The following RPUSD2 variants were observed in gnomAD, a reference collection of about 807,000 sequenced individuals.
The protein encoded by RPUSD2 is pseudouridylate synthase RPUSD2.
RPUSD2 carries 31 observed loss-of-function variants against 41.5 expected under a neutral mutation model. The observed-to-expected ratio is 0.75, with a 90% CI of 0.56 to 1.01. The LOEUF (loss-of-function observed/expected upper bound fraction) is 1.01. RPUSD2 is among the 50% of genes least tolerant of loss of function. The pLI, the probability that RPUSD2 is intolerant of heterozygous loss-of-function variation, is 0.00. For missense variants in RPUSD2, 749 were observed against 724.7 expected (o/e 1.03, Z -0.38); for synonymous variants, 305 against 289.7 (o/e 1.05, Z -0.54).
chr15:40,571,930 ACTT>A, intron 2 of RPUSD2, 30 bp downstream of exon 2: 1 of 1,602,762 alleles, frequency 6.2e-7, no homozygotes, highest in Non-Finnish European at 8.5e-7. Context: ...CCTACAGGCC[ACTT>A]CTTGGGCTCA....
In RPUSD2 at chr15:40,573,847, C is replaced by T. The variant is rs201594719; in HGVS notation, c.1224C>T (p.Asn408=). ...GGGGCGGCTACATTCCCAAGACAAACGAGGAGTTGCTACGGGACCTGGTAG... is the reference window on the plus strand; with the variant it reads ...GGGGCGGCTACATTCCCAAGACAAATGAGGAGTTGCTACGGGACCTGGTAG... ...RGRGGYIPKT[N]EELLRDLVAE... Residue 408 remains asparagine (N), a synonymous_variant, in exon 3 of 3, where the codon AAC becomes AAT. Transcript: ENST00000315616. 9.9e-6 allele frequency: 16 copies of T among 1,614,112 alleles called. No individual in the cohort carries two copies. The highest frequency in any genetic ancestry group is 4.4e-5 in the South Asian group (4 of 91,076).
chr15:40,573,125 A>C (rs1891177755), intron 2 of RPUSD2, among the ~76,000 whole-genome samples: 1 of 144,982 alleles, frequency 6.9e-6, no homozygotes, highest in South Asian at 2.2e-4. Flanking sequence ...CCTGGGTTCA[A>C]GCAATTATCC....
intron 2 of RPUSD2, among the ~76,000 whole-genome samples, chr15:40,572,578 A>G (rs982981000): frequency 6.6e-6 from 1 of 151,570 alleles, no homozygotes; most frequent in Non-Finnish European, 1.5e-5. Context: ...AAAAAAAAAA[A>G]AAACTTACCC....
Position 40,569,358 on chromosome 15 carries a change from A to G in RPUSD2, c.21A>G (p.Gly7=). The G allele has an allele frequency of 1.4e-6, 2 of 1,476,872 alleles. No homozygotes were observed. The highest frequency in any genetic ancestry group is 2.5e-5 in the East Asian group (1 of 40,748). The allele number at this position is 1,476,872 out of a possible 1,614,324, so 91.5% of individuals were successfully genotyped here. The change falls in exon 1 of 3, where the codon GGA becomes GGG. Residue 7 remains glycine, a synonymous_variant. Coordinates refer to ENST00000315616, the MANE Select transcript of RPUSD2 (RefSeq NM_152260.3). MWLDRR[G]WLRVLGHWRY... is the part of the protein sequence containing the mutation. ...TGGTTATGTGGCTGGACCGCCGCGG[A>G]TGGCTCAGGGTTCTTGGACATTGGC...
chr15:40,569,841 C>T lies in RPUSD2; in HGVS notation c.504C>T (p.Thr168=), dbSNP rs767744210. ...ACAGCTTGCTGCACGTCTTCAGTACCGAGTTCCGAGCTCAGCCCCTGGCCT... is the reference window on the plus strand; with the variant it reads ...ACAGCTTGCTGCACGTCTTCAGTACTGAGTTCCGAGCTCAGCCCCTGGCCT... ...VGHSLLHVFS[T]EFRAQPLAYY... is the part of the protein sequence containing the mutation. Residue 168 remains threonine (T), a synonymous_variant, in exon 1 of 3, where the codon ACC becomes ACT. Coordinates refer to ENST00000315616, the MANE Select transcript of RPUSD2 (RefSeq NM_152260.3). 1 of 1,612,526 alleles carries T rather than the reference C, an allele frequency of 6.2e-7. No homozygotes were observed. Among genetic ancestry groups the T allele is most frequent in the African/African-American group, 1.3e-5 (1 of 75,048 alleles).
intron 1 of RPUSD2, 38 bp downstream of exon 1, chr15:40,569,981 A>G (rs1442323106): frequency 4.3e-6 from 5 of 1,162,014 alleles, no homozygotes; most frequent in Non-Finnish European, 5.7e-6. Context: ...GCGGGCGAGG[A>G]AAAGGGGCCG....
At position 40,569,705 on chromosome 15, in the gene RPUSD2, T is replaced by G. The variant is rs1388655479; in HGVS notation, c.368T>G (p.Phe123Cys). Residue 123 changes from phenylalanine (F) to cysteine (C), a missense_variant, in exon 1 of 3, where the codon TTC becomes TGC. Phe to Cys is a radical substitution (Grantham distance 205). Transcript: ENST00000315616. ...PPKKRRTGVS[F>C]GDEHFAETSY... Reference sequence around the variant, plus strand: ...AAGAAGCGGCGGACCGGGGTGAGCTTCGGAGATGAGCACTTTGCAGAAACC... The same window carrying G: ...AAGAAGCGGCGGACCGGGGTGAGCTGCGGAGATGAGCACTTTGCAGAAACC... The G allele has an allele frequency of 2.5e-6, 4 of 1,580,026 alleles. No individual in the cohort carries two copies. The highest frequency in any genetic ancestry group is 3.4e-6 in the Non-Finnish European group (4 of 1,161,948).
At chr15:40,570,895 A>G (rs1229753294) in intron 1 of RPUSD2, among the ~76,000 whole-genome samples, 3 of 152,160 alleles carry the variant, frequency 2.0e-5, no homozygotes. Flanking sequence ...TAGAGCCCAT[A>G]TCCCTGGACT....
At chr15:40,570,583 A>G (rs1437838233) in intron 1 of RPUSD2, among the ~76,000 whole-genome samples, 1 of 152,204 alleles carries the variant, frequency 6.6e-6, no homozygotes, top group Non-Finnish European at 1.5e-5. Flanking sequence ...CATCACATCT[A>G]TGAGGTACCA....
Position 40,569,471 on chromosome 15 carries a change from C to T in RPUSD2, c.134C>T (p.Thr45Ile), listed in dbSNP as rs1321237064. 1.3e-6 allele frequency: 2 copies of T among 1,574,762 alleles called. No homozygotes were observed. The highest frequency in any genetic ancestry group is 1.9e-5 in the Admixed American group (1 of 51,532). The change falls in exon 1 of 3, where the codon ACA becomes ATA. Residue 45 changes from threonine to isoleucine, a missense_variant. By Grantham distance (89) the Thr-to-Ile change is moderately conservative (BLOSUM62 -1). Coordinates refer to ENST00000315616, the MANE Select transcript of RPUSD2 (RefSeq NM_152260.3). ...MAETVSTQVG[T>I]EGGLRASHQQ... ...GAAACAGTGTCTACCCAGGTTGGGA[C>T]AGAGGGCGGGCTGAGGGCTTCGCAT...
At position 40,569,453 on chromosome 15, in the gene RPUSD2, T is replaced by C; in HGVS notation, c.116T>C (p.Val39Ala). 6.4e-7 allele frequency: 1 copy of C among 1,572,662 alleles called. No homozygotes were observed. The highest frequency in any genetic ancestry group is 1.2e-5 in the South Asian group (1 of 83,970). The change falls in exon 1 of 3, where the codon GTG (valine) becomes GCG (alanine). Residue 39 changes from valine (V) to alanine (A), a missense_variant. By Grantham distance (64) the Val-to-Ala change is moderately conservative. Transcript: ENST00000315616. ...SGDKGPMAET[V>A]STQVGTEGGL... ...GATAAGGGCCCAATGGCAGAAACAG[T>C]GTCTACCCAGGTTGGGACAGAGGGC... is the stretch of plus-strand genomic sequence containing the variant.
At position 40,571,882 on chromosome 15, in the gene RPUSD2, G is replaced by A. The variant is rs1227876482; in HGVS notation, c.885G>A (p.Glu295=). Residue 295 remains glutamate (E), a synonymous_variant, in exon 2 of 3, where the codon GAG becomes GAA. Coordinates refer to ENST00000315616, the MANE Select transcript of RPUSD2 (RefSeq NM_152260.3). ...KTAAVSERIH[E]QVRDRQLEKE... Reference sequence around the variant, plus strand: ...CTGCAGTCTCTGAGAGAATTCACGAGCAGGTTCGGGACCGGCAGGTGAGTC... The same window carrying A: ...CTGCAGTCTCTGAGAGAATTCACGAACAGGTTCGGGACCGGCAGGTGAGTC... 8 of 1,613,698 alleles carry A rather than the reference G, an allele frequency of 5.0e-6. No individual in the cohort carries two copies. Among genetic ancestry groups the A allele is most frequent in the Non-Finnish European group, 6.8e-6 (8 of 1,179,798 alleles).
At position 40,574,349 on chromosome 15, in the gene RPUSD2, G is replaced by T; in HGVS notation, c.*88G>T. On this transcript the variant is annotated 3_prime_UTR_variant, in exon 3 of 3. Transcript: ENST00000315616. ...CTGACCCCATGGGCTAGTACTTGGGGTTTCTATAGGAATGAGGACGGGCTT... is the reference window on the plus strand; with the variant it reads ...CTGACCCCATGGGCTAGTACTTGGGTTTTCTATAGGAATGAGGACGGGCTT... 10 of 1,479,720 alleles carry T rather than the reference G, an allele frequency of 6.8e-6. No individual in the cohort carries two copies. Among genetic ancestry groups the T allele is most frequent in the Non-Finnish European group, 9.0e-6 (10 of 1,107,844 alleles). 91.7% of individuals were successfully genotyped at this position (1,479,720 alleles called of 1,614,324 possible).
Position 40,571,614 on chromosome 15 carries a change from T to C in RPUSD2, c.617T>C (p.Phe206Ser). Residue 206 changes from phenylalanine to serine, a missense_variant, in exon 2 of 3, where the codon TTC becomes TCC. By Grantham distance (155) the Phe-to-Ser change is radical. Coordinates refer to ENST00000315616, the MANE Select transcript of RPUSD2 (RefSeq NM_152260.3). ...DLNIVLKDND[F>S]LRNTVHRHEP... ...CTATGTCTTTGACAGGACAATGATT[T>C]CTTGCGGAACACAGTGCACAGGCAT... is the stretch of plus-strand genomic sequence containing the variant. 6.2e-7 allele frequency: 1 copy of C among 1,614,026 alleles called. No homozygotes were observed. Among genetic ancestry groups the C allele is most frequent in the Non-Finnish European group, 8.5e-7 (1 of 1,179,908 alleles).
rs71307498 is a variant in RPUSD2, at chr15:40,569,992, G to GGTTTT, written c.606+70_606+74dup. 902 of 1,412,800 alleles carry GGTTTT rather than the reference G, an allele frequency of 6.4e-4. 8 individuals carry two copies. Among genetic ancestry groups the GGTTTT allele is most frequent in the African/African-American group, 3.8e-3 (262 of 69,706 alleles). 87.5% of individuals were successfully genotyped at this position (1,412,800 alleles called of 1,614,324 possible). ...AGAAGCGGGCGAGGAAAAGGGGCCG[G>GGTTTT]GTTTTGTTTTGTTTTGTTTTGTTTT... On this transcript the variant is annotated intron_variant, in intron 1 of 2. Coordinates refer to ENST00000315616, the MANE Select transcript of RPUSD2 (RefSeq NM_152260.3).
In RPUSD2 at chr15:40,571,782, A is replaced by G; in HGVS notation, c.785A>G (p.His262Arg). 2.5e-6 allele frequency: 4 copies of G among 1,614,244 alleles called. No homozygotes were observed. The highest frequency in any genetic ancestry group is 3.4e-6 in the Non-Finnish European group (4 of 1,180,040). Reference protein sequence around the residue: ...NTVIFILGKEHQLKELHPLHR... With the variant: ...NTVIFILGKERQLKELHPLHR... ...GTTATCTTCATCCTAGGCAAGGAGCACCAACTCAAGGAGCTACACCCCTTG... is the reference window on the plus strand; with the variant it reads ...GTTATCTTCATCCTAGGCAAGGAGCGCCAACTCAAGGAGCTACACCCCTTG... The change falls in exon 2 of 3, where the codon CAC becomes CGC. Residue 262 changes from histidine to arginine, a missense_variant. Physicochemically the swap from His to Arg is conservative, Grantham distance 29 (BLOSUM62 0). Coordinates refer to ENST00000315616, the MANE Select transcript of RPUSD2 (RefSeq NM_152260.3).
In RPUSD2 at chr15:40,572,333, C is replaced by T. The variant is rs573027905; in HGVS notation, c.903+433C>T. Reference sequence around the variant, plus strand: ...ATCCCAACACTTTGGGAGGCCGAGGCGGGCAGATCACGAGGTCAGGAGATC... The same window carrying T: ...ATCCCAACACTTTGGGAGGCCGAGGTGGGCAGATCACGAGGTCAGGAGATC... On this transcript the variant is annotated intron_variant, in intron 2 of 2. Coordinates refer to ENST00000315616, the MANE Select transcript of RPUSD2 (RefSeq NM_152260.3). Among the ~76,000 whole-genome samples the T allele has an allele frequency of 1.7e-4, 25 of 151,280 alleles. No individual in the cohort carries two copies. The East Asian group carries it at 4.9e-3, about 29-fold the overall frequency.
chr15:40,573,500 AC>A, intron 2 of RPUSD2, 26 bp from the exon 3 acceptor site: 1 of 1,588,736 alleles, frequency 6.3e-7, no homozygotes, highest in Non-Finnish European at 8.6e-7. Context: ...CTTTGTACTG[AC>A]TTTCTCCCTC....
chr15:40,572,629 G>T (rs1372279747), intron 2 of RPUSD2, among the ~76,000 whole-genome samples: 1 of 152,134 alleles, frequency 6.6e-6, no homozygotes, highest in Non-Finnish European at 1.5e-5. Flanking sequence ...CTACTTGGGA[G>T]GCTGAGATAG....
Sources: gnomAD v4.1 joint callset for allele counts (sites outside exome capture counted in the v4.1 genomes callset) on GRCh38, gnomAD v4.1.1 for gene constraint, MANE v1.5 for transcripts, NCBI Gene and HGNC (gene_info 2026-07-23, HGNC 2026-07-21) for gene names.